SPMIP2: variants seen among roughly 807,000 people sequenced by gnomAD.
The protein encoded by SPMIP2 is sperm microtubule inner protein 2.
the SPMIP2 span, among the ~76,000 whole-genome samples, chr4:159,028,823 C>T: frequency 2.6e-5 from 4 of 152,038 alleles, no homozygotes; most frequent in Admixed American, 1.3e-4. Context: ...TAGGCAGGTG[C>T]GGTGGCTCAC....
chr4:158,955,987 T>G, the SPMIP2 span, among the ~76,000 whole-genome samples: 6 of 152,360 alleles, frequency 3.9e-5, no homozygotes, highest in African/African-American at 7.2e-5. Flanking sequence ...TTTCCTATAC[T>G]GCTTTTTCTG....
At chr4:159,057,731 C>T in the SPMIP2 span, among the ~76,000 whole-genome samples, 10 of 151,938 alleles carry the variant, frequency 6.6e-5, no homozygotes, top group Admixed American at 2.6e-4. Context: ...ACATCAGCAA[C>T]GTGTCAGAAT....
At chr4:159,052,794 T>C in the SPMIP2 span, among the ~76,000 whole-genome samples, 50 of 137,750 alleles carry the variant, frequency 3.6e-4, no homozygotes, top group East Asian at 2.1e-3. Flanking sequence ...CCACCACGCC[T>C]GGCTAATTTT....
chr4:158,984,892 TAATA>T, the SPMIP2 span, among the ~76,000 whole-genome samples: 1 of 151,816 alleles, frequency 6.6e-6, no homozygotes, highest in Admixed American at 6.6e-5. Context: ...CTAGCAAGAC[TAATA>T]AATAAAAAAA....
the SPMIP2 span, among the ~76,000 whole-genome samples, chr4:159,019,452 G>A: frequency 6.6e-6 from 1 of 152,152 alleles, no homozygotes; most frequent in Non-Finnish European, 1.5e-5. Context: ...CTGATTGCAA[G>A]GAAGGAAGTC....
chr4:159,034,370 T>A, the SPMIP2 span, among the ~76,000 whole-genome samples: 1 of 152,246 alleles, frequency 6.6e-6, no homozygotes. Flanking sequence ...TATAATGTTA[T>A]GAGAAGCTTA....
the SPMIP2 span, among the ~76,000 whole-genome samples, chr4:158,927,904 A>G: frequency 1.3e-4 from 19 of 151,146 alleles, no homozygotes; most frequent in African/African-American, 3.9e-4. Flanking sequence ...CCTGCGCTGC[A>G]CTCGATTTCT....
chr4:158,980,392 C>A, the SPMIP2 span, among the ~76,000 whole-genome samples: 1 of 152,202 alleles, frequency 6.6e-6, no homozygotes, highest in African/African-American at 2.4e-5. Context: ...GTCCCTGACC[C>A]CCATGTCTCC....
At chr4:158,924,356 C>A in the SPMIP2 span, among the ~76,000 whole-genome samples, 1 of 152,036 alleles carries the variant, frequency 6.6e-6, no homozygotes, top group East Asian at 1.9e-4. Context: ...GCATTTATTG[C>A]GAGGATCATA....
At chr4:159,004,095 CA>C in the SPMIP2 span, among the ~76,000 whole-genome samples, 14 of 151,976 alleles carry the variant, frequency 9.2e-5, no homozygotes, top group African/African-American at 2.9e-4. Flanking sequence ...TGGATTACTG[CA>C]ACCTCTACCT....
chr4:159,003,881 G>A, the SPMIP2 span, among the ~76,000 whole-genome samples: 1 of 152,194 alleles, frequency 6.6e-6, no homozygotes, highest in African/African-American at 2.4e-5. Flanking sequence ...AGAATGCTCT[G>A]TGAATGCTGA....
At chr4:158,985,349 A>G in the SPMIP2 span, among the ~76,000 whole-genome samples, 350 of 146,234 alleles carry the variant, frequency 2.4e-3, no homozygotes, top group African/African-American at 8.7e-3. Context: ...ATTTTAGACC[A>G]ATATCCTTGA....
At chr4:159,040,423 G>A in the SPMIP2 span, among the ~76,000 whole-genome samples, 15 of 151,670 alleles carry the variant, frequency 9.9e-5, no homozygotes, top group South Asian at 4.2e-4. Context: ...CGCCCACCTC[G>A]GCCTCCCAAA....
chr4:159,082,348 T>C, the SPMIP2 span, among the ~76,000 whole-genome samples: 14 of 150,696 alleles, frequency 9.3e-5, no homozygotes, highest in Admixed American at 9.3e-4. Flanking sequence ...AATAAATAAA[T>C]AAATAAATAA....
At chr4:159,006,302 G>A in the SPMIP2 span, among the ~76,000 whole-genome samples, 5 of 152,290 alleles carry the variant, frequency 3.3e-5, no homozygotes, top group South Asian at 8.3e-4. Context: ...GACAGAAGCA[G>A]TATAGAAGGG....
chr4:158,964,556 C>G, the SPMIP2 span, among the ~76,000 whole-genome samples: 8 of 152,068 alleles, frequency 5.3e-5, no homozygotes, highest in Admixed American at 5.2e-4. Flanking sequence ...AAAACTGAGG[C>G]ATTATAAAAA....
chr4:158,902,187 TTGTTGA>T, the SPMIP2 span, among the ~76,000 whole-genome samples: 2 of 152,108 alleles, frequency 1.3e-5, no homozygotes, highest in Non-Finnish European at 1.5e-5. Context: ...GACGTCCTTT[TTGTTGA>T]TGTTGATGTG....
chr4:158,917,300 G>A, the SPMIP2 span, among the ~76,000 whole-genome samples: 17 of 151,990 alleles, frequency 1.1e-4, no homozygotes, highest in South Asian at 1.0e-3. Flanking sequence ...GGTGGTGCAC[G>A]CCTGTAATCC....
chr4:158,988,823 C>A, the SPMIP2 span, among the ~76,000 whole-genome samples: 1 of 152,124 alleles, frequency 6.6e-6, no homozygotes, highest in Non-Finnish European at 1.5e-5. Context: ...TGAAAACCAG[C>A]ACAAGAATAG....
Sources: allele counts gnomAD v4.1 joint callset (sites outside exome capture counted in the v4.1 genomes callset), GRCh38; gene constraint gnomAD v4.1.1; transcripts MANE v1.5; gene names NCBI Gene and HGNC (gene_info 2026-07-23, HGNC 2026-07-21).